INPP4B: variants seen among roughly 807,000 people sequenced by gnomAD.
The protein encoded by INPP4B is inositol polyphosphate 4-phosphatase type II.
INPP4B carries 55 observed loss-of-function variants against 122.5 expected under a neutral mutation model. The ratio of observed to expected loss-of-function variants is 0.45; its 90% CI spans 0.36 to 0.56. The LOEUF (loss-of-function observed/expected upper bound fraction) is 0.56, where lower values mean the gene tolerates loss of function less well. INPP4B is among the 20% of genes least tolerant of loss of function. The pLI is 0.00. For synonymous variants in INPP4B, 403 were observed against 388.7 expected, an observed-to-expected ratio of 1.04 and a Z score of -0.43; for missense variants, 1,000 against 1,097.7, an observed-to-expected ratio of 0.91 and a Z score of 1.26.
chr4:142,169,502 C>T (rs1297424740), intron 16 of INPP4B, among the ~76,000 whole-genome samples: 1 of 151,690 alleles, frequency 6.6e-6, no homozygotes, highest in African/African-American at 2.4e-5. Context: ...TCTTAGCACA[C>T]TAGCTGCCTG....
At chr4:142,260,745 C>T (rs1050993801) in intron 10 of INPP4B, among the ~76,000 whole-genome samples, 181 bp from the exon 11 acceptor site, 3 of 152,036 alleles carry the variant, frequency 2.0e-5, no homozygotes, top group Non-Finnish European at 4.4e-5. Flanking sequence ...TTGTGATTTA[C>T]TTAAATGTAT....
At chr4:142,793,269 T>C (rs1004042238) in intron 1 of INPP4B, among the ~76,000 whole-genome samples, 10 of 152,102 alleles carry the variant, frequency 6.6e-5, no homozygotes, top group African/African-American at 2.4e-5. Context: ...AGCCAGAAAG[T>C]CCACTAGACT....
chr4:142,664,825 C>T (rs1755742396), intron 2 of INPP4B, among the ~76,000 whole-genome samples: 1 of 152,048 alleles, frequency 6.6e-6, no homozygotes, highest in African/African-American at 2.4e-5. Context: ...TGTAGTCATG[C>T]CTTGCTTAAC....
At chr4:142,724,223 T>C (rs1445139732) in intron 2 of INPP4B, among the ~76,000 whole-genome samples, 2 of 152,284 alleles carry the variant, frequency 1.3e-5, no homozygotes, top group East Asian at 1.9e-4. Context: ...ATACATAGCT[T>C]ACATAAATAA....
intron 23 of INPP4B, 38 bp downstream of exon 23, chr4:142,108,055 A>G (rs1257214695): frequency 9.8e-7 from 1 of 1,021,168 alleles, no homozygotes; most frequent in South Asian, 1.3e-5. Context: ...TATAATCAAG[A>G]AGCTATTATT....
At chr4:142,221,693 T>C (rs1038421251) in intron 12 of INPP4B, among the ~76,000 whole-genome samples, 1 of 152,142 alleles carries the variant, frequency 6.6e-6, no homozygotes, top group Non-Finnish European at 1.5e-5. Flanking sequence ...CCAGTAGAAC[T>C]CTTCATGATG....
At chr4:142,062,452 G>T (rs1295174953) in intron 25 of INPP4B, among the ~76,000 whole-genome samples, 1 of 152,128 alleles carries the variant, frequency 6.6e-6, no homozygotes, top group Non-Finnish European at 1.5e-5. Context: ...ACTTTATTAG[G>T]CTGGGTGTGG....
At position 142,252,881 on chromosome 4, in the gene INPP4B, G is replaced by A. The variant is rs965699940; in HGVS notation, c.688+7611C>T. On this transcript the variant is annotated intron_variant, in intron 11 of 25. Transcript: ENST00000262992. ...AATTTATAGTCGTGTAGTTTAACAA[G>A]GGGTTATGTTCTGAGAAAGTAGTCA... Among the ~76,000 whole-genome samples the A allele has an allele frequency of 5.9e-5, 9 of 152,236 alleles. 1 individual carries two copies. Among genetic ancestry groups the A allele is most frequent in the African/African-American group, 2.2e-4 (9 of 41,548 alleles).
chr4:142,204,370 C>T (rs1162626036), intron 14 of INPP4B, among the ~76,000 whole-genome samples: 1 of 152,014 alleles, frequency 6.6e-6, no homozygotes, highest in Admixed American at 6.6e-5. Context: ...CCCATATTTT[C>T]TTCTTAGCTC....
chr4:142,697,390 T>C (rs527828962), intron 2 of INPP4B, among the ~76,000 whole-genome samples: 2 of 152,326 alleles, frequency 1.3e-5, no homozygotes, highest in South Asian at 2.1e-4. Flanking sequence ...AAGTGAATTA[T>C]ATACATGAGT....
chr4:142,453,911 A>C (rs1814837290), intron 3 of INPP4B, among the ~76,000 whole-genome samples: 1 of 152,168 alleles, frequency 6.6e-6, no homozygotes, highest in Admixed American at 6.6e-5. Context: ...TTCATTCAGC[A>C]TTTCTCTGAG....
intron 11 of INPP4B, among the ~76,000 whole-genome samples, chr4:142,256,886 G>T: frequency 6.6e-6 from 1 of 152,062 alleles, no homozygotes; most frequent in East Asian, 1.9e-4. Flanking sequence ...ACCAAAGCTG[G>T]GCAGAGACAC....
intron 2 of INPP4B, among the ~76,000 whole-genome samples, chr4:142,584,576 T>G (rs1286676359): frequency 5.3e-5 from 8 of 152,118 alleles, no homozygotes; most frequent in Non-Finnish European, 1.0e-4. Context: ...AAACCAGGAT[T>G]TGGGGAGGAA....
At chr4:142,314,882 T>A in intron 7 of INPP4B, 120 bp from the exon 8 acceptor site, 1 of 780,398 alleles carries the variant, frequency 1.3e-6, no homozygotes, top group Non-Finnish European at 2.1e-6. Flanking sequence ...GGTTAATCAT[T>A]AATGAATTCA....
chr4:142,462,620 A>C (rs962500750), intron 3 of INPP4B, 43 bp downstream of exon 3: 9 of 152,220 alleles, frequency 5.9e-5, no homozygotes, highest in African/African-American at 2.2e-4. Context: ...AGTTTAAATG[A>C]ATACAATGTG....
intron 1 of INPP4B, among the ~76,000 whole-genome samples, chr4:142,728,778 C>T (rs1365505703): frequency 1.3e-5 from 2 of 152,012 alleles, no homozygotes; most frequent in Non-Finnish European, 2.9e-5. Flanking sequence ...AGGGCCCTGC[C>T]GACATGTTGA....
At chr4:142,035,356 G>A (rs1032092537) in intron 25 of INPP4B, among the ~76,000 whole-genome samples, 2 of 152,148 alleles carry the variant, frequency 1.3e-5, no homozygotes, top group Non-Finnish European at 2.9e-5. Flanking sequence ...TCCCAGAGGT[G>A]GGTTGGATAG....
chr4:142,281,744 A>G (rs572793018), intron 9 of INPP4B, among the ~76,000 whole-genome samples: 1 of 151,990 alleles, frequency 6.6e-6, no homozygotes, highest in Non-Finnish European at 1.5e-5. Flanking sequence ...TCTGAAACTG[A>G]GCAATTCTTA....
chr4:142,740,371 T>C (rs1219135691), intron 1 of INPP4B, among the ~76,000 whole-genome samples: 1 of 152,098 alleles, frequency 6.6e-6, no homozygotes, highest in Non-Finnish European at 1.5e-5. Context: ...ATATAGACAC[T>C]AGTAATTCTA....
Sources: gnomAD v4.1 joint callset for allele counts (sites outside exome capture counted in the v4.1 genomes callset) on GRCh38, gnomAD v4.1.1 for gene constraint, MANE v1.5 for transcripts, NCBI Gene and HGNC (gene_info 2026-07-23, HGNC 2026-07-21) for gene names.